The following COL28A1 variants were observed in gnomAD, a reference collection of about 807,000 sequenced individuals.
The protein encoded by COL28A1 is collagen alpha-1(XXVIII) chain.
A neutral mutation model predicts 150.2 loss-of-function variants in COL28A1; 161 were observed. That is an observed-to-expected ratio of 1.07 (90% CI 0.94 to 1.22). The LOEUF (loss-of-function observed/expected upper bound fraction) is 1.22, where lower values mean the gene tolerates loss of function less well. COL28A1 is among the 50% of genes most tolerant of loss of function. COL28A1 has a pLI of 0.00. For synonymous variants in COL28A1, 552 were observed against 469.7 expected, an observed-to-expected ratio of 1.18 and a Z score of -2.26; for missense variants, 1,617 against 1,388.3, an observed-to-expected ratio of 1.16 and a Z score of -2.62.
Position 7,531,702 on chromosome 7 carries a change from A to G in COL28A1, c.327T>C (p.Ser109=), listed in dbSNP as rs1782369931. 2 of 1,600,386 alleles carry G rather than the reference A, an allele frequency of 1.2e-6. No homozygotes were observed. The highest frequency in any genetic ancestry group is 4.5e-5 in the East Asian group (2 of 44,834). ...SSSVQIDPPF[S]SWKDLQTFKQ... ...TAAATGTCTGCAGGTCCTTCCAGGA[A>G]GAAAAAGGTGGATCAATTTGGACAG... The change falls in exon 3 of 35, where the codon TCT becomes TCC. Residue 109 remains serine, a synonymous_variant. Transcript: ENST00000399429.
intron 30 of COL28A1, among the ~76,000 whole-genome samples, chr7:7,377,330 G>A (rs1781610308): frequency 1.3e-5 from 2 of 152,110 alleles, no homozygotes; most frequent in Non-Finnish European, 2.9e-5. Context: ...GCTACTTGGT[G>A]CCAATGATGA....
intron 19 of COL28A1, 47 bp from the exon 20 acceptor site, chr7:7,443,700 A>C (rs752444778): frequency 6.2e-7 from 1 of 1,610,952 alleles, no homozygotes; most frequent in East Asian, 2.2e-5. Flanking sequence ...CAGTAGACAG[A>C]CTGTACGTAT....
chr7:7,431,408 T>C (rs1784963030), intron 25 of COL28A1: 3 of 395,920 alleles, frequency 7.6e-6, no homozygotes, highest in South Asian at 3.8e-5. Flanking sequence ...CAGAAAGTGA[T>C]ACACGCTACA....
At position 7,521,780 on chromosome 7, in the gene COL28A1, T is replaced by C. The variant is rs77576242; in HGVS notation, c.759+125A>G. ...ATAAAAGAAAGAAGTAGCATTTCCA[T>C]TTTTCCTCCCATTTCCAAACAATTG... On this transcript the variant is annotated intron_variant, in intron 5 of 34. Transcript: ENST00000399429. 5.3e-3 allele frequency: 3,613 copies of C among 686,738 alleles called. 94 individuals carry two copies. In the African/African-American group the frequency reaches 0.057, roughly 11 times the overall value. 42.5% of individuals were successfully genotyped at this position (686,738 alleles called of 1,614,324 possible).
chr7:7,366,728 G>A (rs937424276), intron 33 of COL28A1, among the ~76,000 whole-genome samples: 2 of 152,216 alleles, frequency 1.3e-5, no homozygotes, highest in African/African-American at 4.8e-5. Flanking sequence ...GGGAGTGACA[G>A]AAGGGACAAC....
chr7:7,495,734 A>C (rs1318264828), intron 11 of COL28A1, among the ~76,000 whole-genome samples: 1 of 152,182 alleles, frequency 6.6e-6, no homozygotes, highest in Non-Finnish European at 1.5e-5. Context: ...CAGCAAACTG[A>C]TAATACCTCT....
chr7:7,515,588 A>C (rs1781372967), intron 8 of COL28A1, among the ~76,000 whole-genome samples: 1 of 152,192 alleles, frequency 6.6e-6, no homozygotes. Flanking sequence ...CATGTTTGCA[A>C]AGCTGAAGGA....
chr7:7,482,711 G>C (rs1383519302), intron 13 of COL28A1, among the ~76,000 whole-genome samples: 1 of 152,014 alleles, frequency 6.6e-6, no homozygotes, highest in East Asian at 1.9e-4. Flanking sequence ...TGGTAATATT[G>C]TTAAAAACTC....
intron 30 of COL28A1, among the ~76,000 whole-genome samples, chr7:7,380,166 A>G (rs1781789870): frequency 6.6e-6 from 1 of 152,196 alleles, no homozygotes; most frequent in Non-Finnish European, 1.5e-5. Flanking sequence ...TGGTGTGGGG[A>G]GAAGAACAGG....
At chr7:7,346,973 T>A in the COL28A1 span, among the ~76,000 whole-genome samples, 2 of 152,224 alleles carry the variant, frequency 1.3e-5, no homozygotes, top group East Asian at 1.9e-4. Flanking sequence ...TCTTAAGATA[T>A]TTAAAATTAT....
downstream of COL28A1, chr7:7,356,290 C>T (rs1780352125): frequency 6.6e-6 from 1 of 152,034 alleles, no homozygotes; most frequent in African/African-American, 2.4e-5. Context: ...GTAAAATTAC[C>T]TATAAATGTC....
At chr7:7,374,214 G>A (rs1008471297) in intron 31 of COL28A1, among the ~76,000 whole-genome samples, 2 of 151,882 alleles carry the variant, frequency 1.3e-5, no homozygotes, top group African/African-American at 4.8e-5. Context: ...ACCACCATCT[G>A]ACATTTGCTC....
intron 4 of COL28A1, among the ~76,000 whole-genome samples, chr7:7,523,605 C>A (rs1400880895): frequency 6.6e-6 from 1 of 152,156 alleles, no homozygotes; most frequent in East Asian, 1.9e-4. Flanking sequence ...AAATAAGCAG[C>A]TCATTGAACA....
intron 9 of COL28A1, among the ~76,000 whole-genome samples, chr7:7,510,320 T>C (rs868852539): frequency 7.9e-5 from 12 of 152,208 alleles, no homozygotes; most frequent in Admixed American, 3.3e-4. Flanking sequence ...GGAGTCACTC[T>C]GTCACCCAGG....
At chr7:7,371,668 G>A (rs1781228351) in intron 32 of COL28A1, among the ~76,000 whole-genome samples, 1 of 152,068 alleles carries the variant, frequency 6.6e-6, no homozygotes, top group East Asian at 1.9e-4. Context: ...CCAAAGAATT[G>A]GGATAAATTT....
intron 13 of COL28A1, among the ~76,000 whole-genome samples, chr7:7,481,448 T>C (rs1373276435): frequency 6.6e-6 from 1 of 152,230 alleles, no homozygotes; most frequent in Non-Finnish European, 1.5e-5. Context: ...TAAATGGTTA[T>C]AGTTTAATTT....
In COL28A1 at chr7:7,512,652, A is replaced by C. The variant is rs115824467; in HGVS notation, c.883-1517T>G. On this transcript the variant is annotated intron_variant, in intron 8 of 34. Coordinates refer to ENST00000399429, the MANE Select transcript of COL28A1 (RefSeq NM_001037763.3). ...CAGTCAGAAAAATGACTAAAGTTTC[A>C]TAATCATAGTAATATTATCTCCTTT... Among the ~76,000 whole-genome samples the C allele has an allele frequency of 8.4e-3, 1,283 of 152,356 alleles. 23 individuals carry two copies. The highest frequency in any genetic ancestry group is 0.03 in the African/African-American group (1,228 of 41,582).
chr7:7,362,465 G>T (rs1286810229), intron 33 of COL28A1, among the ~76,000 whole-genome samples: 1 of 152,126 alleles, frequency 6.6e-6, no homozygotes, highest in Admixed American at 6.5e-5. Flanking sequence ...ACTGCCGTCT[G>T]CCAGCTAAGC....
intron 5 of COL28A1, among the ~76,000 whole-genome samples, chr7:7,520,972 T>C (rs796231697): frequency 3.9e-5 from 6 of 152,272 alleles, no homozygotes; most frequent in African/African-American, 1.4e-4. Context: ...CATCCCTTGA[T>C]TGGTAGGATG....
Sources: gnomAD v4.1 joint callset for allele counts (sites outside exome capture counted in the v4.1 genomes callset) on GRCh38, gnomAD v4.1.1 for gene constraint, MANE v1.5 for transcripts, NCBI Gene and HGNC (gene_info 2026-07-23, HGNC 2026-07-21) for gene names.